GPHN: variants seen among roughly 807,000 people sequenced by gnomAD.
GPHN encodes gephyrin.
GPHN carries 17 observed loss-of-function variants against 95.5 expected under a neutral mutation model. The observed-to-expected ratio is 0.18, with a 90% CI of 0.12 to 0.27. GPHN has a LOEUF of 0.27. Ranked by LOEUF, GPHN falls within the 10% of genes least tolerant of loss-of-function variation. The probability of loss-of-function intolerance (pLI) is 1.00; values close to 1 mark genes in which losing one functional copy is unlikely to be tolerated. For missense variants in GPHN, 660 were observed against 978.1 expected, an observed-to-expected ratio of 0.67 and a Z score of 4.34; for synonymous variants, 320 against 322.5, an observed-to-expected ratio of 0.99 and a Z score of 0.08.
chr14:66,825,799 G>T (rs2061367393), intron 4 of GPHN, among the ~76,000 whole-genome samples: 1 of 152,120 alleles, frequency 6.6e-6, no homozygotes. Context: ...AACTTCAACT[G>T]CATAAAGTCA....
At chr14:67,571,702 A>G in the GPHN span, 1 of 1,590,058 alleles carries the variant, frequency 6.3e-7, no homozygotes, top group African/African-American at 1.3e-5. Context: ...GGGTTGGGAG[A>G]GGACTGTTTT....
At chr14:67,326,126 G>A in the GPHN span, among the ~76,000 whole-genome samples, 1 of 147,194 alleles carries the variant, frequency 6.8e-6, no homozygotes. Context: ...TGCCCGGCCA[G>A]CATCTTTCTT....
Position 67,058,701 on chromosome 14 carries a change from T to A in GPHN, c.1059T>A (p.Pro353=). 3.1e-6 allele frequency: 5 copies of A among 1,612,346 alleles called. No homozygotes were observed. The highest frequency in any genetic ancestry group is 4.2e-6 in the Non-Finnish European group (5 of 1,178,392). The change falls in exon 11 of 23, where the codon CCT becomes CCA. Residue 353 remains proline (P), a synonymous_variant. Transcript: ENST00000478722. The stretch of plus-strand genomic sequence containing the variant: ...TGGCTAGAAGACATCGCATGTCTCC[T>A]TTTCCTCTGACATCTATGGACAAAG... The part of the protein sequence containing the change: ...TKVARRHRMS[P]FPLTSMDKAF...
intron 19 of GPHN, among the ~76,000 whole-genome samples, chr14:67,162,452 T>C (rs1223092361): frequency 1.3e-5 from 2 of 152,212 alleles, no homozygotes; most frequent in African/African-American, 4.8e-5. Flanking sequence ...ACAAATACAA[T>C]CTGGCTTTGC....
intron 10 of GPHN, among the ~76,000 whole-genome samples, chr14:67,031,133 T>C (rs964984288): frequency 6.6e-6 from 1 of 152,136 alleles, no homozygotes; most frequent in African/African-American, 2.4e-5. Context: ...TCTCGACTTA[T>C]TACTACCTCT....
chr14:66,681,466 G>C (rs1451924056), intron 2 of GPHN, among the ~76,000 whole-genome samples: 1 of 152,134 alleles, frequency 6.6e-6, no homozygotes, highest in Non-Finnish European at 1.5e-5. Flanking sequence ...AAGATGATTA[G>C]TAGTTGATTT....
the GPHN span, among the ~76,000 whole-genome samples, chr14:67,481,566 C>G: frequency 2.0e-5 from 3 of 152,158 alleles, no homozygotes; most frequent in Non-Finnish European, 4.4e-5. Flanking sequence ...GTGGCAGCTC[C>G]CAGTGTGGTG....
At chr14:67,329,154 G>A in the GPHN span, among the ~76,000 whole-genome samples, 1 of 152,172 alleles carries the variant, frequency 6.6e-6, no homozygotes, top group Non-Finnish European at 1.5e-5. Flanking sequence ...TTACTTGGTT[G>A]AGCAGTGGTT....
the GPHN span, chr14:67,662,915 AAAAAAAG>A: frequency 7.8e-7 from 1 of 1,281,950 alleles, no homozygotes; most frequent in Non-Finnish European, 9.8e-7. Context: ...AAAAAAAAAA[AAAAAAAG>A]AATGTTTACC....
At chr14:67,537,484 G>A in the GPHN span, among the ~76,000 whole-genome samples, 2 of 148,846 alleles carry the variant, frequency 1.3e-5, no homozygotes, top group African/African-American at 2.6e-5. Flanking sequence ...GGGCACCATG[G>A]TGAAACCTTG....
At chr14:67,726,856 T>C in the GPHN span, 3 of 780,774 alleles carry the variant, frequency 3.8e-6, no homozygotes, top group African/African-American at 5.1e-5. Context: ...TTAGAGTTAC[T>C]CATGGCATCA....
chr14:66,609,681 G>A (rs1034103370), intron 1 of GPHN, among the ~76,000 whole-genome samples: 3 of 151,962 alleles, frequency 2.0e-5, no homozygotes, highest in Admixed American at 6.6e-5. Flanking sequence ...GAACTAAACT[G>A]GTCTTCAAGC....
chr14:66,632,778 A>G lies in GPHN; in HGVS notation c.65-48329A>G, dbSNP rs139629302. Among the ~76,000 whole-genome samples the G allele has an allele frequency of 7.2e-3, 1,100 of 152,164 alleles. 28 individuals are homozygous for G. The highest frequency in any genetic ancestry group is 0.065 in the East Asian group (336 of 5,170). On this transcript the variant is annotated intron_variant, in intron 1 of 22. Transcript: ENST00000478722. ...AGTGCTGGAATTACAGGTGTGAGCC[A>G]CCGCACCCGGCCCCTTATAATACAT...
At chr14:67,477,209 G>A in the GPHN span, among the ~76,000 whole-genome samples, 1 of 151,376 alleles carries the variant, frequency 6.6e-6, no homozygotes, top group Non-Finnish European at 1.5e-5. Context: ...ATTTCCTAAT[G>A]AAACACAACA....
At chr14:67,300,884 G>A in the GPHN span, among the ~76,000 whole-genome samples, 147 of 150,820 alleles carry the variant, frequency 9.7e-4, 2 homozygotes, top group African/African-American at 3.5e-3. Flanking sequence ...TAGAGACAGG[G>A]TCTCACTGTG....
chr14:67,489,812 AACCCCAT>A, the GPHN span, among the ~76,000 whole-genome samples: 1 of 152,130 alleles, frequency 6.6e-6, no homozygotes, highest in East Asian at 1.9e-4. Context: ...AACATGGTGA[AACCCCAT>A]CTCTACTAAA....
rs188128401 is a variant in GPHN at position 67,010,313 on chromosome 14, G to C, written c.964-13320G>C. Among the ~76,000 whole-genome samples, 322 of 151,754 alleles carry C rather than the reference G, an allele frequency of 2.1e-3. 1 individual carries two copies. The highest frequency in any genetic ancestry group is 7.3e-3 in the African/African-American group (302 of 41,454). On this transcript the variant is annotated intron_variant, in intron 9 of 22. Coordinates refer to ENST00000478722, the MANE Select transcript of GPHN (RefSeq NM_020806.5). ...CGCCTGTAATCCCAGCACTCTGGGA[G>C]GCTGAGGAGGGCGGATCACGAGGTC...
chr14:67,374,526 C>A, the GPHN span: 1 of 1,606,224 alleles, frequency 6.2e-7, no homozygotes, highest in Non-Finnish European at 8.5e-7. Context: ...AATGTGAAGA[C>A]AAATTCACAA....
At chr14:66,542,196 C>T (rs1216748024) in intron 1 of GPHN, among the ~76,000 whole-genome samples, 1 of 152,164 alleles carries the variant, frequency 6.6e-6, no homozygotes, top group African/African-American at 2.4e-5. Flanking sequence ...GAGGAAAATG[C>T]AGAATCATGC....
Sources: allele counts gnomAD v4.1 joint callset (sites outside exome capture counted in the v4.1 genomes callset), GRCh38; gene constraint gnomAD v4.1.1; transcripts MANE v1.5; gene names NCBI Gene and HGNC (gene_info 2026-07-23, HGNC 2026-07-21).